Variants in TCF7 observed in about 807,000 individuals in gnomAD.
TCF7 encodes the protein transcription factor 7.
A neutral mutation model predicts 46.8 loss-of-function variants in TCF7; 19 were observed. The observed-to-expected ratio is 0.41, with a 90% CI of 0.28 to 0.60. TCF7 has a LOEUF of 0.60. TCF7 is among the 20% of genes least tolerant of loss of function. The pLI, the probability that TCF7 is intolerant of heterozygous loss-of-function variation, is 0.35. For synonymous variants in TCF7, 245 were observed against 213.4 expected (o/e 1.15, Z -1.29); for missense variants, 547 against 504.6 (o/e 1.08, Z -0.81).
At chr5:134,109,420 G>A in the TCF7 span, among the ~76,000 whole-genome samples, 8 of 152,018 alleles carry the variant, frequency 5.3e-5, no homozygotes, top group Non-Finnish European at 1.2e-4. Flanking sequence ...TTGTGACGCC[G>A]CTTGTCTCTC....
intron 9 of TCF7, chr5:134,145,651 G>C: frequency 7.2e-7 from 1 of 1,387,056 alleles, no homozygotes; most frequent in Non-Finnish European, 1.0e-6. Context: ...GCAAGGAGGA[G>C]TTTGGGGTGT....
In TCF7 at chr5:134,116,036, A is replaced by C; in HGVS notation, c.441+3A>C. 1 of 1,610,912 alleles carries C rather than the reference A, an allele frequency of 6.2e-7. No homozygotes were observed. Among genetic ancestry groups the C allele is most frequent in the South Asian group, 1.1e-5 (1 of 90,754 alleles). On this transcript the variant is annotated splice_donor_region_variant and intron_variant, in intron 3 of 9. Coordinates refer to ENST00000342854, the MANE Select transcript of TCF7 (RefSeq NM_003202.5). ...ACCCCCAGCCGCAGCCCCCGCTGGT[A>C]AGTGGACCCCGCAGCCAGTGCCGCC...
chr5:134,139,312 A>G, intron 5 of TCF7: 1 of 477,056 alleles, frequency 2.1e-6, no homozygotes, highest in Non-Finnish European at 3.8e-6. Context: ...TCAGTGTCCA[A>G]GAGATCCCCT....
intron 3 of TCF7, among the ~76,000 whole-genome samples, chr5:134,124,205 A>G (rs1757014255): frequency 6.6e-6 from 1 of 152,086 alleles, no homozygotes; most frequent in Non-Finnish European, 1.5e-5. Context: ...ATCTCTGAGA[A>G]ACCAGGACAT....
In TCF7 at chr5:134,132,602, C is replaced by G. The variant is rs149206960; in HGVS notation, c.442-5457C>G. ...GCATTTGGGGGTTTTCAGAGTCAACCGTCAGAGGCGAGGGAGTTTCTCTGC... is the reference window on the plus strand; with the variant it reads ...GCATTTGGGGGTTTTCAGAGTCAACGGTCAGAGGCGAGGGAGTTTCTCTGC... On this transcript the variant is annotated intron_variant, in intron 3 of 9. Coordinates refer to ENST00000342854, the MANE Select transcript of TCF7 (RefSeq NM_003202.5). 2.6e-5 allele frequency among the ~76,000 whole-genome samples: 4 copies of G among 152,186 alleles called. No homozygotes were observed. In the East Asian group the frequency reaches 7.7e-4, roughly 29 times the overall value.
chr5:134,142,923 G>C, intron 7 of TCF7, 40 bp downstream of exon 7: 4 of 1,611,330 alleles, frequency 2.5e-6, no homozygotes, highest in Non-Finnish European at 3.4e-6. Flanking sequence ...GATGCTCCCC[G>C]ACCATCTTCA....
At chr5:134,143,169 A>G (rs1480966468) in intron 8 of TCF7, 69 bp downstream of exon 8, 16 of 1,484,602 alleles carry the variant, frequency 1.1e-5, no homozygotes, top group South Asian at 1.2e-5. Flanking sequence ...CCAGGCCACA[A>G]TCTCAGTAAG....
intron 5 of TCF7, chr5:134,140,791 C>A (rs1389383619): frequency 2.2e-6 from 1 of 455,748 alleles, no homozygotes; most frequent in South Asian, 1.5e-5. Context: ...CTCTCCCAAC[C>A]ACAGGCCCAG....
Position 134,116,211 on chromosome 5 carries a change from A to AG in TCF7, c.441+182dup, listed in dbSNP as rs1755821050. 4 of 1,365,954 alleles carry AG rather than the reference A, an allele frequency of 2.9e-6. No homozygotes were observed. In the African/African-American group the frequency reaches 6.0e-5, roughly 20 times the overall value. 84.6% of individuals were successfully genotyped at this position (1,365,954 alleles called of 1,614,324 possible). ...AAAGGAGAACTTTGCTGAAGGAAGG[A>AG]GGGGCCGCCCTGGGGCACCCCCCTG... On this transcript the variant is annotated intron_variant, in intron 3 of 9. Transcript: ENST00000342854.
chr5:134,124,418 C>A (rs374768751), intron 3 of TCF7, among the ~76,000 whole-genome samples: 1 of 152,182 alleles, frequency 6.6e-6, no homozygotes, highest in Non-Finnish European at 1.5e-5. Context: ...CATGGGGCTC[C>A]TCTTGCCCAG....
At chr5:134,126,915 C>T (rs1757429955) in intron 3 of TCF7, among the ~76,000 whole-genome samples, 2 of 151,584 alleles carry the variant, frequency 1.3e-5, no homozygotes, top group Non-Finnish European at 2.9e-5. Flanking sequence ...AAAAAAAGAT[C>T]GTACAAGCCA....
intron 3 of TCF7, among the ~76,000 whole-genome samples, chr5:134,134,061 C>G (rs1356489607): frequency 1.3e-5 from 2 of 152,212 alleles, no homozygotes; most frequent in Non-Finnish European, 2.9e-5. Flanking sequence ...CAGGAGGGCT[C>G]TCCATGGCTT....
intron 3 of TCF7, among the ~76,000 whole-genome samples, chr5:134,121,010 C>A (rs1478615503): frequency 6.6e-6 from 1 of 152,150 alleles, no homozygotes; most frequent in African/African-American, 2.4e-5. Context: ...CAGTTGTGGG[C>A]CCCACGTGGA....
intron 3 of TCF7, among the ~76,000 whole-genome samples, chr5:134,128,641 T>A (rs1342558560): frequency 1.3e-5 from 2 of 151,060 alleles, no homozygotes; most frequent in African/African-American, 4.9e-5. Flanking sequence ...GGGGCAAGAA[T>A]GCAGGGCCAA....
intron 5 of TCF7, chr5:134,141,036 T>G: frequency 3.1e-6 from 1 of 318,706 alleles, no homozygotes; most frequent in Non-Finnish European, 6.2e-6. Context: ...TGCTGTCCTG[T>G]GCCTGAGAAT....
chr5:134,121,585 C>CA (rs372851057), intron 3 of TCF7, among the ~76,000 whole-genome samples: 2,554 of 99,992 alleles, frequency 0.026, 64 homozygotes, highest in African/African-American at 0.068. Flanking sequence ...CCAGACTCCT[C>CA]AAAAAAAAAA....
Position 134,146,887 on chromosome 5 carries a change from A to G in TCF7, c.*584A>G. ...GCTACCTTCTCTACCCATCTCCCCC[A>G]TCCCCCACTGCCACACCCTCCCCAT... On this transcript the variant is annotated 3_prime_UTR_variant, in exon 10 of 10. Transcript: ENST00000342854. The G allele has an allele frequency of 3.5e-6, 1 of 287,664 alleles. No homozygotes were observed. Among genetic ancestry groups the G allele is most frequent in the Non-Finnish European group, 6.5e-6 (1 of 152,722 alleles). The allele number at this position is 287,664 out of a possible 1,614,324, so 17.8% of individuals were successfully genotyped here.
At position 134,142,808 on chromosome 5, in the gene TCF7, GGAGAT is replaced by G; in HGVS notation, c.848_852del (p.Met283SerfsTer10). The G allele has an allele frequency of 6.2e-7, 1 of 1,614,198 alleles. No individual in the cohort carries two copies. The highest frequency in any genetic ancestry group is 8.5e-7 in the Non-Finnish European group (1 of 1,180,022). ...TCAATGCCTTCATGCTGTACATGAA[GGAGAT>G]GAGAGCCAAGGTCATTGCAGAGTGC... is the stretch of plus-strand genomic sequence containing the variant. On this transcript the variant is annotated frameshift_variant, in exon 7 of 10. Transcript: ENST00000342854. LOFTEE classifies it high-confidence loss of function.
upstream of TCF7, among the ~76,000 whole-genome samples, chr5:134,109,792 A>G (rs1755307832): frequency 7.4e-6 from 1 of 134,966 alleles, no homozygotes; most frequent in Non-Finnish European, 1.6e-5. Flanking sequence ...AAAAAAAAAA[A>G]GAACTTAGAG....
Sources: allele counts gnomAD v4.1 joint callset (sites outside exome capture counted in the v4.1 genomes callset), GRCh38; gene constraint gnomAD v4.1.1; transcripts MANE v1.5; gene names NCBI Gene and HGNC (gene_info 2026-07-23, HGNC 2026-07-21).